Variants in ATRX observed in about 807,000 individuals in gnomAD.
ATRX encodes the protein chromatin remodeler ATRX.
ATRX carries 12 observed loss-of-function variants against 172.6 expected under a neutral mutation model. That is an observed-to-expected ratio of 0.07 (90% CI 0.04 to 0.11). The LOEUF (loss-of-function observed/expected upper bound fraction) is 0.11, where lower values mean the gene tolerates loss of function less well. Ranked by LOEUF, ATRX falls within the 10% of genes least tolerant of loss-of-function variation. ATRX has a pLI of 1.00. For missense variants in ATRX, 1,368 were observed against 1,767.4 expected (o/e 0.77, Z 4.05); for synonymous variants, 674 against 594.7 (o/e 1.13, Z -1.94).
rs1221945997 is a variant in ATRX, at chrX:77,692,457, T to C, written c.484+1367A>G. Among the ~76,000 whole-genome samples the C allele has an allele frequency of 2.0e-4, 22 of 111,789 alleles. No homozygotes were observed. The Admixed American group carries it at 2.1e-3, about 11-fold the overall frequency. ...TATTTTTGCCAACAACCTTACAAAT[T>C]ATTTAATCGGAAAATGAATATATAA... On this transcript the variant is annotated intron_variant, in intron 6 of 34. Coordinates refer to ENST00000373344, the MANE Select transcript of ATRX (RefSeq NM_000489.6).
At chrX:77,567,412 A>G (rs2065238482) in intron 28 of ATRX, among the ~76,000 whole-genome samples, 1 of 111,701 alleles carries the variant, frequency 9.0e-6, no homozygotes, top group Admixed American at 9.5e-5. Context: ...AGGATGAAAA[A>G]CTATATACCG....
rs181151802 is a variant in ATRX at position 77,722,096 on chromosome X, T to C, written c.21-4853A>G. On this transcript the variant is annotated intron_variant, in intron 1 of 34. Coordinates refer to ENST00000373344, the MANE Select transcript of ATRX (RefSeq NM_000489.6). ...GAGAAAGGACTCCCTATTTAATAAA[T>C]GGTGTTTGGAAAACTGGCTAGCCAT... 3.6e-5 allele frequency among the ~76,000 whole-genome samples: 4 copies of C among 111,900 alleles called. No individual in the cohort carries two copies. The East Asian group carries it at 1.1e-3, about 31-fold the overall frequency.
At chrX:77,664,956 T>A (rs1557125373) in intron 10 of ATRX, among the ~76,000 whole-genome samples, 178 bp from the exon 11 acceptor site, 1 of 112,547 alleles carries the variant, frequency 8.9e-6, no homozygotes, top group East Asian at 2.8e-4. Flanking sequence ...CAAAAACTTT[T>A]AAAAATGTTC....
At chrX:77,652,526 G>A (rs1402248805) in intron 14 of ATRX, among the ~76,000 whole-genome samples, 173 bp from the exon 15 acceptor site, 1 of 107,997 alleles carries the variant, frequency 9.3e-6, no homozygotes, top group East Asian at 2.9e-4. Flanking sequence ...CTTCGGCCGG[G>A]CACGGTGGCT....
At chrX:77,579,156 TCTGGCTCCAGGCC>T (rs1460275197) in intron 27 of ATRX, among the ~76,000 whole-genome samples, 2 of 112,688 alleles carry the variant, frequency 1.8e-5, no homozygotes, top group African/African-American at 3.2e-5. Flanking sequence ...TTCTAACATT[TCTGGCTCCAGGCC>T]CTGGCTCCAG....
At chrX:77,680,684 C>G (rs2071137282) in intron 9 of ATRX, among the ~76,000 whole-genome samples, 1 of 110,169 alleles carries the variant, frequency 9.1e-6, no homozygotes, top group South Asian at 3.8e-4. Flanking sequence ...TATGTAAAAC[C>G]CACTTTATAA....
chrX:77,641,828 A>G (rs1650250540), intron 15 of ATRX, among the ~76,000 whole-genome samples: 1 of 111,172 alleles, frequency 9.0e-6, no homozygotes, highest in African/African-American at 3.3e-5. Context: ...GAACAATATT[A>G]AAGAGCATAA....
chrX:77,576,237 T>A (rs1356439367), intron 27 of ATRX, among the ~76,000 whole-genome samples: 2 of 111,712 alleles, frequency 1.8e-5, no homozygotes, highest in African/African-American at 6.5e-5. Flanking sequence ...CATATTAAGA[T>A]AAGCATTTTC....
intron 22 of ATRX, among the ~76,000 whole-genome samples, chrX:77,607,315 T>C (rs187800926): frequency 1.8e-5 from 2 of 112,383 alleles, no homozygotes; most frequent in Non-Finnish European, 3.8e-5. Context: ...AAAATCAATA[T>C]ACAAAAATCA....
At chrX:77,754,937 T>C (rs1455560918) in intron 1 of ATRX, among the ~76,000 whole-genome samples, 2 of 111,801 alleles carry the variant, frequency 1.8e-5, no homozygotes, top group Non-Finnish European at 3.8e-5. Context: ...TTTTCCAACT[T>C]GGGTCCATTC....
chrX:77,613,269 T>C (rs782354610), intron 22 of ATRX, among the ~76,000 whole-genome samples: 6 of 111,301 alleles, frequency 5.4e-5, no homozygotes, highest in African/African-American at 2.0e-4. Flanking sequence ...CCTTTTTTTT[T>C]TTTATAATGG....
At chrX:77,610,160 A>C (rs2067094926) in intron 22 of ATRX, among the ~76,000 whole-genome samples, 1 of 111,402 alleles carries the variant, frequency 9.0e-6, no homozygotes, top group Non-Finnish European at 1.9e-5. Flanking sequence ...TTCTCTATAC[A>C]ATATCATGTC....
chrX:77,512,078 G>A (rs1557036807), intron 34 of ATRX, among the ~76,000 whole-genome samples: 1 of 111,908 alleles, frequency 8.9e-6, no homozygotes, highest in African/African-American at 3.2e-5. Flanking sequence ...AATGCAGCAA[G>A]AGAAAGGAAA....
intron 11 of ATRX, among the ~76,000 whole-genome samples, chrX:77,664,015 C>A (rs1460050806): frequency 9.2e-6 from 1 of 108,344 alleles, no homozygotes; most frequent in Non-Finnish European, 1.9e-5. Flanking sequence ...GCAGGAGAAT[C>A]GCTTGAACCC....
chrX:77,526,189 T>C (rs2063374849), intron 30 of ATRX, among the ~76,000 whole-genome samples: 1 of 111,948 alleles, frequency 8.9e-6, no homozygotes, highest in Non-Finnish European at 1.9e-5. Context: ...ACAAAGAATG[T>C]CTGTTTTATT....
At chrX:77,737,240 T>C (rs1382448892) in intron 1 of ATRX, among the ~76,000 whole-genome samples, 2 of 109,517 alleles carry the variant, frequency 1.8e-5, no homozygotes, top group Non-Finnish European at 3.8e-5. Context: ...CTGGCCAACA[T>C]GGTGAAACCC....
intron 13 of ATRX, 51 bp from the exon 14 acceptor site, chrX:77,654,251 C>T (rs1214792839): frequency 9.8e-7 from 1 of 1,019,490 alleles, no homozygotes; most frequent in African/African-American, 1.9e-5. Context: ...AAACTTCCAT[C>T]AATAAGTTAT....
chrX:77,539,886 C>T (rs782408431), intron 30 of ATRX, among the ~76,000 whole-genome samples: 14 of 111,781 alleles, frequency 1.3e-4, no homozygotes, highest in South Asian at 7.5e-4. Context: ...AGACCATCAA[C>T]GCTATGAAGA....
intron 30 of ATRX, among the ~76,000 whole-genome samples, chrX:77,544,768 T>C (rs2064171145): frequency 9.0e-6 from 1 of 110,921 alleles, no homozygotes; most frequent in Non-Finnish European, 1.9e-5. Context: ...TATGGCTGCA[T>C]AGTATTCCAT....
Sources: gnomAD v4.1 joint callset for allele counts (sites outside exome capture counted in the v4.1 genomes callset) on GRCh38, gnomAD v4.1.1 for gene constraint, MANE v1.5 for transcripts, NCBI Gene and HGNC (gene_info 2026-07-23, HGNC 2026-07-21) for gene names.